CCDC7: variants seen among roughly 807,000 people sequenced by gnomAD.
The protein encoded by CCDC7 is coiled-coil domain-containing protein 7.
In CCDC7, 183 loss-of-function variants were observed where a neutral mutation model predicts 196.9. That is an observed-to-expected ratio of 0.93 (90% CI 0.82 to 1.05). CCDC7 has a LOEUF of 1.05. Among genes scored for constraint, CCDC7 ranks in the 50% least tolerant of loss-of-function variants. The pLI is 0.00. For missense variants in CCDC7, 1,540 were observed against 1,482.2 expected (o/e 1.04, Z -0.64); for synonymous variants, 525 against 484.6 (o/e 1.08, Z -1.10).
intron 26 of CCDC7, among the ~76,000 whole-genome samples, chr10:32,727,965 C>A (rs930519522): frequency 2.6e-5 from 4 of 152,136 alleles, no homozygotes; most frequent in African/African-American, 9.7e-5. Context: ...GCTGCTCTTG[C>A]CTCTGCAAGG....
chr10:32,606,779 A>G (rs1007355818), intron 18 of CCDC7, among the ~76,000 whole-genome samples: 7 of 152,192 alleles, frequency 4.6e-5, no homozygotes, highest in African/African-American at 1.7e-4. Flanking sequence ...TTGATTTTAC[A>G]GGTTTATAGA....
chr10:32,776,268 A>T (rs12257898), intron 28 of CCDC7, among the ~76,000 whole-genome samples: 2 of 149,700 alleles, frequency 1.3e-5, no homozygotes. Context: ...GTACCCTAAA[A>T]CTTGAAGTAT....
At chr10:32,565,402 T>C (rs1397560636) in intron 13 of CCDC7, among the ~76,000 whole-genome samples, 156 bp from the exon 15 acceptor site, 4 of 152,224 alleles carry the variant, frequency 2.6e-5, no homozygotes, top group African/African-American at 9.6e-5. Context: ...TAGCTTCAGG[T>C]ATTATCCACC....
chr10:32,865,614 G>C (rs1332256082), intron 41 of CCDC7, among the ~76,000 whole-genome samples: 1 of 151,764 alleles, frequency 6.6e-6, no homozygotes, highest in Admixed American at 6.6e-5. Flanking sequence ...AACGTTCTTA[G>C]AGTGATGGCA....
chr10:32,781,381 G>A (rs1332731944), intron 29 of CCDC7, among the ~76,000 whole-genome samples: 1 of 152,054 alleles, frequency 6.6e-6, no homozygotes, highest in Non-Finnish European at 1.5e-5. Context: ...TATCCCTTAT[G>A]AATAATGATG....
At chr10:32,708,984 G>T (rs895746536) in intron 24 of CCDC7, among the ~76,000 whole-genome samples, 1 of 152,110 alleles carries the variant, frequency 6.6e-6, no homozygotes, top group African/African-American at 2.4e-5. Context: ...TATACCCAAA[G>T]GATTATAAAT....
rs1252586759 is a variant in CCDC7 at position 32,511,689 on chromosome 10, A to G, written c.873-6256A>G. 45 of 1,581,494 alleles carry G rather than the reference A, an allele frequency of 2.8e-5. 1 individual carries two copies. The South Asian group carries it at 3.8e-4, about 13-fold the overall frequency. ...CCAATGGAATTCTCAAACGCTGACA[A>G]ATACTCGTGAATTTCTACTGGATAG... On this transcript the variant is annotated intron_variant, in intron 9 of 41. Coordinates refer to ENST00000639629, the Ensembl canonical transcript of CCDC7.
At chr10:32,465,441 CTTTTTT>C (rs34042956) in intron 5 of CCDC7, among the ~76,000 whole-genome samples, 2 of 140,548 alleles carry the variant, frequency 1.4e-5, no homozygotes, top group Non-Finnish European at 3.1e-5. Flanking sequence ...ATTAAACAGA[CTTTTTT>C]TTTTTTTTTT....
intron 41 of CCDC7, among the ~76,000 whole-genome samples, chr10:32,857,919 A>G (rs1236347397): frequency 1.3e-5 from 2 of 152,054 alleles, no homozygotes; most frequent in East Asian, 3.9e-4. Context: ...AAAAACTCAA[A>G]TAAAATCAGA....
chr10:32,800,736 C>T (rs1234316925), intron 29 of CCDC7, among the ~76,000 whole-genome samples: 4 of 152,168 alleles, frequency 2.6e-5, no homozygotes, highest in Non-Finnish European at 4.4e-5. Context: ...CCAGCCTTTC[C>T]TTCAAGTAAA....
At chr10:32,539,070 A>G (rs1318371914) in intron 11 of CCDC7, among the ~76,000 whole-genome samples, 4 of 151,806 alleles carry the variant, frequency 2.6e-5, no homozygotes, top group Non-Finnish European at 4.4e-5. Context: ...AGTAGCAATC[A>G]TTTAGTAGGA....
chr10:32,542,155 T>G (rs2051556038), intron 11 of CCDC7, among the ~76,000 whole-genome samples: 1 of 152,210 alleles, frequency 6.6e-6, no homozygotes, highest in Non-Finnish European at 1.5e-5. Flanking sequence ...TTGTTAATTT[T>G]TCCCTTACTT....
chr10:32,446,876 T>C (rs2031261813), upstream of CCDC7, among the ~76,000 whole-genome samples: 1 of 149,936 alleles, frequency 6.7e-6, no homozygotes, highest in African/African-American at 2.5e-5. Flanking sequence ...TTGCACCAAG[T>C]GAGCGTTGCC....
Position 32,471,244 on chromosome 10 carries a change from A to G in CCDC7, c.677+14A>G. ...GTCTAAAACTATGTAAGTGAAATAT[A>G]AGAACTAATTGAATTAAAAACAGTA... On this transcript the variant is annotated intron_variant, in intron 6 of 41. Transcript: ENST00000639629. 5.0e-6 allele frequency: 8 copies of G among 1,601,214 alleles called. No homozygotes were observed. The highest frequency in any genetic ancestry group is 1.1e-5 in the South Asian group (1 of 87,992).
intron 20 of CCDC7, among the ~76,000 whole-genome samples, chr10:32,638,098 T>C (rs552133866): frequency 1.2e-3 from 184 of 152,354 alleles, no homozygotes; most frequent in African/African-American, 4.4e-3. Context: ...GAGACTTTGC[T>C]GAAGTTGCCT....
At chr10:32,817,190 G>A (rs1243941695) in intron 31 of CCDC7, among the ~76,000 whole-genome samples, 1 of 152,200 alleles carries the variant, frequency 6.6e-6, no homozygotes, top group Non-Finnish European at 1.5e-5. Context: ...CGCGACGTAT[G>A]CACAAGCCTG....
At chr10:32,572,024 T>A in intron 16 of CCDC7, 131 bp downstream of exon 17, 2 of 774,280 alleles carry the variant, frequency 2.6e-6, no homozygotes, top group Non-Finnish European at 3.6e-6. Flanking sequence ...GTAGAAAATG[T>A]TAGAAACTTT....
At chr10:32,851,970 A>G (rs756213169) in intron 40 of CCDC7, 38 bp downstream of exon 41, 2 of 1,545,944 alleles carry the variant, frequency 1.3e-6, no homozygotes, top group South Asian at 2.5e-5. Context: ...TGTGATTTTT[A>G]AAATAAAGCT....
At chr10:32,623,578 C>A in intron 18 of CCDC7, 1 of 354,830 alleles carries the variant, frequency 2.8e-6, no homozygotes, top group Non-Finnish European at 5.6e-6. Context: ...CCTGCTTCTC[C>A]CTTAGTTGCC....
Sources: gnomAD v4.1 joint callset for allele counts (sites outside exome capture counted in the v4.1 genomes callset) on GRCh38, gnomAD v4.1.1 for gene constraint, MANE v1.5 for transcripts, NCBI Gene and HGNC (gene_info 2026-07-23, HGNC 2026-07-21) for gene names.